UNC79: variants seen among roughly 807,000 people sequenced by gnomAD.
The protein encoded by UNC79 is protein unc-79 homolog.
UNC79 carries 37 observed loss-of-function variants against 283.1 expected under a neutral mutation model. The ratio of observed to expected loss-of-function variants is 0.13; its 90% CI spans 0.10 to 0.17. UNC79 has a LOEUF of 0.17. Ranked by LOEUF, UNC79 falls within the 10% of genes least tolerant of loss-of-function variation. The pLI is 1.00. For synonymous variants in UNC79, 1,107 were observed against 1,200.2 expected (o/e 0.92, Z 1.61); for missense variants, 2,272 against 3,211.1 (o/e 0.71, Z 7.07).
At chr14:93,386,911 A>G (rs572556016) in intron 1 of UNC79, among the ~76,000 whole-genome samples, 1 of 91,454 alleles carries the variant, frequency 1.1e-5, no homozygotes, top group Non-Finnish European at 2.4e-5. Flanking sequence ...ATTCATTTCA[A>G]TTTCATGTAT....
chr14:93,345,197 C>G (rs117855680), intron 1 of UNC79, among the ~76,000 whole-genome samples: 1 of 152,130 alleles, frequency 6.6e-6, no homozygotes, highest in Non-Finnish European at 1.5e-5. Context: ...ATCAAATCTA[C>G]CAGCACATTG....
At chr14:93,385,917 A>G (rs549497777) in intron 1 of UNC79, among the ~76,000 whole-genome samples, 1 of 152,236 alleles carries the variant, frequency 6.6e-6, no homozygotes, top group African/African-American at 2.4e-5. Context: ...ATCATCTGCA[A>G]ACAAGGATGA....
intron 24 of UNC79, among the ~76,000 whole-genome samples, chr14:93,599,569 C>T (rs2065344187): frequency 6.6e-6 from 1 of 152,192 alleles, no homozygotes; most frequent in Non-Finnish European, 1.5e-5. Flanking sequence ...TTACCAGGTA[C>T]TTCTATGTCC....
chr14:93,336,287 G>A (rs1204017791), intron 1 of UNC79, among the ~76,000 whole-genome samples: 2 of 152,182 alleles, frequency 1.3e-5, no homozygotes, highest in Non-Finnish European at 2.9e-5. Flanking sequence ...CCCCAGAACA[G>A]TGATAAGTAC....
At chr14:93,554,399 G>A (rs1008918634) in intron 14 of UNC79, among the ~76,000 whole-genome samples, 9 of 151,008 alleles carry the variant, frequency 6.0e-5, no homozygotes, top group East Asian at 1.9e-4. Flanking sequence ...TCCTGTAGGC[G>A]AATGAAAATC....
intron 2 of UNC79, among the ~76,000 whole-genome samples, chr14:93,470,699 G>A (rs1270046879): frequency 6.6e-6 from 1 of 152,168 alleles, no homozygotes; most frequent in Non-Finnish European, 1.5e-5. Context: ...GTGCCGAGTT[G>A]TACTCATTTT....
At chr14:93,697,432 G>T (rs560686348) in intron 47 of UNC79, among the ~76,000 whole-genome samples, 3 of 152,102 alleles carry the variant, frequency 2.0e-5, no homozygotes. Context: ...CACTATGCCC[G>T]GCCAGATCTC....
intron 7 of UNC79, among the ~76,000 whole-genome samples, chr14:93,516,069 T>C (rs2060039056): frequency 6.6e-6 from 1 of 152,088 alleles, no homozygotes; most frequent in South Asian, 2.1e-4. Context: ...TATCCAGTTG[T>C]TTCAGTTCAA....
chr14:93,440,148 A>G lies in UNC79; in HGVS notation c.22+9097A>G, dbSNP rs150740214. ...ATAAAACAGAGATGATTTAAAGTAT[A>G]CAGGAGGATGTGCATAGGTTATATG... On this transcript the variant is annotated intron_variant, in intron 1 of 48. Coordinates refer to ENST00000555664, the Ensembl canonical transcript of UNC79. 2.6e-3 allele frequency among the ~76,000 whole-genome samples: 401 copies of G among 151,998 alleles called. 1 individual carries two copies. Among genetic ancestry groups the G allele is most frequent in the African/African-American group, 9.1e-3 (379 of 41,472 alleles).
At chr14:93,567,977 C>A (rs2062994493) in intron 14 of UNC79, among the ~76,000 whole-genome samples, 1 of 152,192 alleles carries the variant, frequency 6.6e-6, no homozygotes, top group African/African-American at 2.4e-5. Context: ...AGGTGAGAGA[C>A]AAATGGTTGC....
intron 42 of UNC79, among the ~76,000 whole-genome samples, chr14:93,685,639 A>C (rs2074179431): frequency 6.6e-6 from 1 of 152,180 alleles, no homozygotes; most frequent in East Asian, 1.9e-4. Flanking sequence ...GAGCTAGTTA[A>C]GTCTATAATG....
At chr14:93,657,584 C>A (rs929849826) in intron 38 of UNC79, among the ~76,000 whole-genome samples, 1 of 152,122 alleles carries the variant, frequency 6.6e-6, no homozygotes, top group African/African-American at 2.4e-5. Flanking sequence ...ATCTCCTGAC[C>A]TTGTGGTCCT....
intron 1 of UNC79, among the ~76,000 whole-genome samples, chr14:93,387,029 G>A (rs547192058): frequency 7.5e-6 from 1 of 133,266 alleles, no homozygotes; most frequent in Admixed American, 8.3e-5. Flanking sequence ...TGCAACCTCC[G>A]CCTCTCAGGT....
At chr14:93,399,899 A>G (rs1373684478) in intron 1 of UNC79, among the ~76,000 whole-genome samples, 2 of 152,208 alleles carry the variant, frequency 1.3e-5, no homozygotes, top group Non-Finnish European at 2.9e-5. Flanking sequence ...GTTATCTGGG[A>G]AAAGCTTAAT....
Position 93,474,737 on chromosome 14 carries a change from C to T in UNC79, c.448+344C>T, listed in dbSNP as rs140758393. 2.6e-5 allele frequency among the ~76,000 whole-genome samples: 4 copies of T among 152,114 alleles called. No homozygotes were observed. In the East Asian group the frequency reaches 7.7e-4, roughly 29 times the overall value. On this transcript the variant is annotated intron_variant, in intron 3 of 48. Transcript: ENST00000555664. The surrounding 1 kb of genome is among the most constrained non-coding windows in gnomAD (Gnocchi z 4.1). ...GGAGATAAGATTTTAAAACTGTCAC[C>T]CAGAAAATTAAGAAGTAGAGCATGA...
rs1187630610 is a variant in UNC79, at chr14:93,690,752, G to A, written c.7272+449G>A. On this transcript the variant is annotated intron_variant, in intron 45 of 48. Transcript: ENST00000555664. The surrounding 1 kb of genome is among the most constrained non-coding windows in gnomAD (Gnocchi z 4.3). ...CAAAATGAAAACAAGAAGGCCAGTT[G>A]GGAACTCACTAAAGCACACATTGGC... is the stretch of plus-strand genomic sequence containing the variant. 4 of 166,014 alleles carry A rather than the reference G, an allele frequency of 2.4e-5. No homozygotes were observed. Among genetic ancestry groups the A allele is most frequent in the Non-Finnish European group, 3.9e-5 (3 of 76,890 alleles). 10.3% of individuals were successfully genotyped at this position (166,014 alleles called of 1,614,324 possible). A position where few individuals can be genotyped will look rare whatever the true frequency, so the allele number is the denominator to read the frequency against.
At chr14:93,408,790 G>A (rs2055278675) in intron 1 of UNC79, among the ~76,000 whole-genome samples, 1 of 152,190 alleles carries the variant, frequency 6.6e-6, no homozygotes, top group Admixed American at 6.5e-5. Context: ...TTAGTAATGG[G>A]AAAAACTTGG....
At chr14:93,601,531 T>A (rs1199042645) in intron 25 of UNC79, among the ~76,000 whole-genome samples, 3 of 152,248 alleles carry the variant, frequency 2.0e-5, no homozygotes, top group African/African-American at 7.2e-5. Context: ...TGGTTCCATA[T>A]TTTTGCAATT....
At chr14:93,431,130 A>G (rs2055856719) in intron 1 of UNC79, 79 bp downstream of exon 1, 1 of 448,034 alleles carries the variant, frequency 2.2e-6, no homozygotes, top group African/African-American at 2.3e-5. Context: ...GGCTGCTGGG[A>G]GACCTTGGCA....
Sources: allele counts gnomAD v4.1 joint callset (sites outside exome capture counted in the v4.1 genomes callset), GRCh38; gene constraint gnomAD v4.1.1; non-coding constraint Gnocchi (gnomAD v3.1); transcripts MANE v1.5; gene names NCBI Gene and HGNC (gene_info 2026-07-23, HGNC 2026-07-21).